The following RIMS2 variants were observed in gnomAD, a reference collection of about 807,000 sequenced individuals.
RIMS2 encodes regulating synaptic membrane exocytosis protein 2.
RIMS2 carries 59 observed loss-of-function variants against 174.4 expected under a neutral mutation model. That is an observed-to-expected ratio of 0.34 (90% CI 0.27 to 0.42). RIMS2 has a LOEUF of 0.42. Ranked by LOEUF, RIMS2 falls within the 10% of genes least tolerant of loss-of-function variation. The pLI is 1.00. For missense variants in RIMS2, 1,620 were observed against 1,666.3 expected, an observed-to-expected ratio of 0.97 and a Z score of 0.48; for synonymous variants, 606 against 572.5, an observed-to-expected ratio of 1.06 and a Z score of -0.84.
intron 2 of RIMS2, among the ~76,000 whole-genome samples, chr8:103,713,322 T>C (rs1445083915): frequency 6.6e-6 from 1 of 152,172 alleles, no homozygotes; most frequent in Non-Finnish European, 1.5e-5. Flanking sequence ...CCCGGCCTAA[T>C]ATCTTGTGTT....
At chr8:103,710,762 T>G (rs980389517) in intron 2 of RIMS2, among the ~76,000 whole-genome samples, 1 of 152,220 alleles carries the variant, frequency 6.6e-6, no homozygotes. Flanking sequence ...TTTTTCACTT[T>G]ATAAATTATC....
chr8:104,148,151 G>T (rs1004677192), intron 19 of RIMS2, among the ~76,000 whole-genome samples: 1 of 149,164 alleles, frequency 6.7e-6, no homozygotes, highest in African/African-American at 2.5e-5. Flanking sequence ...CTCTTGAAAT[G>T]GATATTATAT....
At chr8:104,229,474 A>G (rs2099211226) in intron 19 of RIMS2, among the ~76,000 whole-genome samples, 1 of 152,186 alleles carries the variant, frequency 6.6e-6, no homozygotes, top group African/African-American at 2.4e-5. Flanking sequence ...TGTAATGTAA[A>G]TCATGCTTTA....
chr8:103,560,288 G>C (rs1343745559), intron 1 of RIMS2, among the ~76,000 whole-genome samples: 1 of 152,134 alleles, frequency 6.6e-6, no homozygotes, highest in Non-Finnish European at 1.5e-5. Flanking sequence ...TGAGGTAGGA[G>C]AATCACTGAA....
At position 104,194,254 on chromosome 8, in the gene RIMS2, A is replaced by T. The variant is rs184479216; in HGVS notation, c.3335-50662A>T. On this transcript the variant is annotated intron_variant, in intron 19 of 23. Coordinates refer to ENST00000504942, the Ensembl canonical transcript of RIMS2. Reference sequence around the variant, plus strand: ...TTCAGACATTGTGGCCCCAAAATTCATGTGTTGGGGCAAGCTTTCTGCAAA... The same window carrying T: ...TTCAGACATTGTGGCCCCAAAATTCTTGTGTTGGGGCAAGCTTTCTGCAAA... Among the ~76,000 whole-genome samples the T allele has an allele frequency of 8.9e-4, 136 of 152,146 alleles. 1 individual carries two copies. The highest frequency in any genetic ancestry group is 8.9e-3 in the Admixed American group (136 of 15,280).
At chr8:103,652,649 G>T (rs1251732185) in intron 1 of RIMS2, 13 of 1,350,314 alleles carry the variant, frequency 9.6e-6, no homozygotes, top group Non-Finnish European at 1.3e-5. Flanking sequence ...TGGAATCACT[G>T]AACTGGTAAA....
chr8:103,543,382 G>C (rs993539867), intron 1 of RIMS2, among the ~76,000 whole-genome samples: 3 of 152,120 alleles, frequency 2.0e-5, no homozygotes, highest in African/African-American at 7.2e-5. Context: ...TAAATGGATA[G>C]ATATATCGTT....
chr8:104,151,687 C>A (rs900629843), intron 19 of RIMS2, among the ~76,000 whole-genome samples: 1 of 152,024 alleles, frequency 6.6e-6, no homozygotes, highest in Non-Finnish European at 1.5e-5. Context: ...GTGGAAATGT[C>A]TAGAACATTT....
intron 1 of RIMS2, among the ~76,000 whole-genome samples, chr8:103,520,117 T>A (rs1830922972): frequency 1.3e-5 from 2 of 152,280 alleles, no homozygotes; most frequent in South Asian, 4.1e-4. Flanking sequence ...GCAAGTCACT[T>A]AATCTCTTGG....
chr8:103,786,565 A>G (rs539899543), intron 3 of RIMS2, among the ~76,000 whole-genome samples: 1 of 152,182 alleles, frequency 6.6e-6, no homozygotes. Context: ...TTCAGTTTTC[A>G]TGTAGTTGAG....
intron 2 of RIMS2, among the ~76,000 whole-genome samples, chr8:103,751,037 A>G (rs942810073): frequency 6.6e-6 from 1 of 152,046 alleles, no homozygotes. Flanking sequence ...TTCCTTGCAT[A>G]AGCTCTCTTC....
chr8:103,749,794 G>T (rs142685341), intron 2 of RIMS2, among the ~76,000 whole-genome samples: 2 of 152,026 alleles, frequency 1.3e-5, no homozygotes, highest in African/African-American at 2.4e-5. Flanking sequence ...TTACATAAAT[G>T]TTAACCAATT....
At chr8:104,249,509 G>A in exon 22 of RIMS2, 3 of 1,609,600 alleles carry the variant, frequency 1.9e-6, no homozygotes, top group Non-Finnish European at 2.6e-6. Flanking sequence ...TAGGAATGAT[G>A]GACAAAAAGG....
At chr8:103,850,562 C>T (rs1162397007) in intron 3 of RIMS2, among the ~76,000 whole-genome samples, 2 of 151,984 alleles carry the variant, frequency 1.3e-5, no homozygotes, top group Non-Finnish European at 2.9e-5. Flanking sequence ...TGCCAAAGAT[C>T]AAATGCTGTG....
At chr8:103,711,883 C>T (rs2097307967) in intron 2 of RIMS2, among the ~76,000 whole-genome samples, 1 of 143,518 alleles carries the variant, frequency 7.0e-6, no homozygotes, top group East Asian at 2.1e-4. Flanking sequence ...GCAACAGAGC[C>T]GGACCCCATC....
At chr8:103,549,080 A>G (rs981318117) in intron 1 of RIMS2, among the ~76,000 whole-genome samples, 1 of 152,044 alleles carries the variant, frequency 6.6e-6, no homozygotes, top group African/African-American at 2.4e-5. Context: ...TATCATTAAA[A>G]TGGCCATACT....
intron 3 of RIMS2, among the ~76,000 whole-genome samples, chr8:103,877,602 A>T (rs1464730590): frequency 1.3e-5 from 2 of 151,798 alleles, no homozygotes; most frequent in Non-Finnish European, 2.9e-5. Flanking sequence ...GTCTACTTTT[A>T]TACAAATCCC....
chr8:103,695,942 G>A (rs1590547867), intron 1 of RIMS2, among the ~76,000 whole-genome samples: 1 of 151,910 alleles, frequency 6.6e-6, no homozygotes, highest in African/African-American at 2.4e-5. Flanking sequence ...GTTTATATTT[G>A]GTAGTTGATT....
chr8:104,040,150 C>T (rs1055593094), intron 19 of RIMS2, among the ~76,000 whole-genome samples: 1 of 151,524 alleles, frequency 6.6e-6, no homozygotes, highest in African/African-American at 2.4e-5. Context: ...AAATCATTCT[C>T]TAAAGAGCTA....
Sources: gnomAD v4.1 joint callset for allele counts (sites outside exome capture counted in the v4.1 genomes callset) on GRCh38, gnomAD v4.1.1 for gene constraint, MANE v1.5 for transcripts, NCBI Gene and HGNC (gene_info 2026-07-23, HGNC 2026-07-21) for gene names.